CACNA1C: variants seen among roughly 807,000 people sequenced by gnomAD.
The protein encoded by CACNA1C is voltage-dependent L-type calcium channel subunit alpha-1C.
A neutral mutation model predicts 229.0 loss-of-function variants in CACNA1C; 30 were observed. The observed-to-expected ratio is 0.13, with a 90% confidence interval of 0.10 to 0.18. The LOEUF (loss-of-function observed/expected upper bound fraction) is 0.18, where lower values mean the gene tolerates loss of function less well. Ranked by LOEUF, CACNA1C falls within the 10% of genes least tolerant of loss-of-function variation. The probability of loss-of-function intolerance (pLI) is 1.00; values close to 1 mark genes in which losing one functional copy is unlikely to be tolerated. For missense variants in CACNA1C, 1,658 were observed against 2,845.0 expected (o/e 0.58, Z 9.49); for synonymous variants, 1,114 against 1,132.5 (o/e 0.98, Z 0.33).
intron 1 of CACNA1C, among the ~76,000 whole-genome samples, chr12:2,092,796 T>G (rs2071834434): frequency 6.6e-6 from 1 of 152,228 alleles, no homozygotes; most frequent in South Asian, 2.1e-4. Flanking sequence ...AGAGGTTAAG[T>G]TAACTTAGCA....
intron 1 of CACNA1C, among the ~76,000 whole-genome samples, chr12:2,105,192 CT>C (rs1381770912): frequency 1.3e-5 from 2 of 152,216 alleles, no homozygotes; most frequent in African/African-American, 4.8e-5. Flanking sequence ...AGCTTTTCCG[CT>C]TTTCCCATTG....
chr12:2,073,593 C>T (rs1309387882), intron 1 of CACNA1C, among the ~76,000 whole-genome samples: 1 of 152,218 alleles, frequency 6.6e-6, no homozygotes, highest in Admixed American at 6.5e-5. Flanking sequence ...AGGAGCAGAG[C>T]CACCTGGAAC....
rs566500434 is a variant in CACNA1C, at chr12:2,108,513, C to T, written c.50-6711C>T. The stretch of plus-strand genomic sequence containing the variant: ...TAGTTTTGATTCAGTTCTTGATTGG[C>T]AAAAGTTGTGTCAGGAATTCTCGCT... On this transcript the variant is annotated intron_variant, in intron 1 of 46. Transcript: ENST00000399655. The surrounding 1 kb of genome is among the most constrained non-coding windows in gnomAD (Gnocchi z 5.3). Among the ~76,000 whole-genome samples the T allele has an allele frequency of 6.6e-6, 1 of 152,310 alleles. No individual in the cohort carries two copies. Among genetic ancestry groups the T allele is most frequent in the East Asian group, 1.9e-4 (1 of 5,182 alleles).
Position 2,406,899 on chromosome 12 carries a change from T to TA in CACNA1C, c.478-42076dup, listed in dbSNP as rs147556669. Among the ~76,000 whole-genome samples the TA allele has an allele frequency of 4.6e-3, 700 of 152,354 alleles. 3 individuals are homozygous for TA. Among genetic ancestry groups the TA allele is most frequent in the African/African-American group, 0.016 (663 of 41,576 alleles). On this transcript the variant is annotated intron_variant, in intron 3 of 46. Transcript: ENST00000399655. ...CCGGATGTTATCTGAAGCCTTCCCT[T>TA]ACAGCTGCTTTCCTTTGCCACTGAC... is the stretch of plus-strand genomic sequence containing the variant.
chr12:2,657,997 A>AACACACAC (rs111747868), intron 34 of CACNA1C, among the ~76,000 whole-genome samples: 28 of 151,236 alleles, frequency 1.9e-4, no homozygotes, highest in African/African-American at 6.8e-4. Context: ...GTATAAGGAG[A>AACACACAC]ACACACACAC....
intron 3 of CACNA1C, among the ~76,000 whole-genome samples, chr12:2,355,696 A>G (rs577936386): frequency 1.3e-5 from 2 of 152,284 alleles, no homozygotes; most frequent in East Asian, 1.9e-4. Flanking sequence ...ATGGCTTGCA[A>G]TGGGGGCGAT....
At chr12:2,331,727 G>T (rs545363430) in intron 3 of CACNA1C, among the ~76,000 whole-genome samples, 30 of 152,328 alleles carry the variant, frequency 2.0e-4, no homozygotes, top group African/African-American at 7.2e-4. Context: ...CATCACTTCC[G>T]TGGTGCTCCT....
chr12:2,692,733 T>G lies in CACNA1C; in HGVS notation c.*1534T>G, dbSNP rs1305380100. The G allele has an allele frequency of 6.5e-6, 1 of 152,702 alleles. No individual in the cohort carries two copies. The highest frequency in any genetic ancestry group is 1.5e-5 in the Non-Finnish European group (1 of 68,046). The allele number at this position is 152,702 out of a possible 1,614,324, so 9.5% of individuals were successfully genotyped here. A position where few individuals can be genotyped will look rare whatever the true frequency, so the allele number is the denominator to read the frequency against. ...TGCTTCAATATATTCCGTGTAATGT[T>G]TTATTGCATTGATAATGTTTCTGTT... On this transcript the variant is annotated 3_prime_UTR_variant, in exon 47 of 47. Coordinates refer to ENST00000399655, the MANE Select transcript of CACNA1C (RefSeq NM_000719.7).
intron 30 of CACNA1C, among the ~76,000 whole-genome samples, chr12:2,637,996 A>G (rs1192915059): frequency 6.6e-6 from 1 of 152,132 alleles, no homozygotes; most frequent in Non-Finnish European, 1.5e-5. Flanking sequence ...AGGAACCATC[A>G]TTCATTCAAT....
At chr12:2,667,879 G>A (rs2153723437) in intron 37 of CACNA1C, among the ~76,000 whole-genome samples, 1 of 152,318 alleles carries the variant, frequency 6.6e-6, no homozygotes, top group African/African-American at 2.4e-5. Context: ...GCATGCCCTT[G>A]GCATGGACGC....
In CACNA1C at chr12:2,585,558, T is replaced by C; in HGVS notation, c.2460+62T>C. On this transcript the variant is annotated intron_variant, in intron 17 of 46. Coordinates refer to ENST00000399655, the MANE Select transcript of CACNA1C (RefSeq NM_000719.7). The surrounding 1 kb of genome is among the most constrained non-coding windows in gnomAD (Gnocchi z 4.1). Reference sequence around the variant, plus strand: ...GTGCTGGGGAGGGAGGGCCACAGCCTTCCCAGGCCAGAACCCTGTGGAGAA... The same window carrying C: ...GTGCTGGGGAGGGAGGGCCACAGCCCTCCCAGGCCAGAACCCTGTGGAGAA... 6.8e-7 allele frequency: 1 copy of C among 1,480,150 alleles called. No homozygotes were observed. Among genetic ancestry groups the C allele is most frequent in the Non-Finnish European group, 9.0e-7 (1 of 1,106,438 alleles). The allele number at this position is 1,480,150 out of a possible 1,614,324, so 91.7% of individuals were successfully genotyped here.
intron 3 of CACNA1C, among the ~76,000 whole-genome samples, chr12:2,255,196 C>G (rs1188947277): frequency 6.6e-6 from 1 of 151,926 alleles, no homozygotes; most frequent in African/African-American, 2.4e-5. Context: ...ACCCGTGCTC[C>G]CTCCTGGTTT....
upstream of CACNA1C, among the ~76,000 whole-genome samples, chr12:2,048,177 C>T (rs762370113): frequency 3.3e-5 from 5 of 152,202 alleles, no homozygotes; most frequent in African/African-American, 4.8e-5. Context: ...ACAACCTTAA[C>T]GCAGAACCAC....
chr12:2,552,859 G>A (rs2042065528), intron 10 of CACNA1C, among the ~76,000 whole-genome samples: 2 of 152,176 alleles, frequency 1.3e-5, no homozygotes, highest in South Asian at 4.1e-4. Flanking sequence ...ATGTGAAGAG[G>A]AGTAGCATGA....
intron 3 of CACNA1C, among the ~76,000 whole-genome samples, chr12:2,239,649 A>G (rs1050779803): frequency 5.3e-5 from 8 of 151,200 alleles, no homozygotes; most frequent in Admixed American, 3.9e-4. Flanking sequence ...GCTGTCCCCC[A>G]CCCCTGCCTG....
intron 9 of CACNA1C, among the ~76,000 whole-genome samples, chr12:2,537,303 G>A (rs1051477746): frequency 1.3e-5 from 2 of 152,184 alleles, no homozygotes; most frequent in African/African-American, 4.8e-5. Context: ...TCTTATTGGC[G>A]CTTGCTTGGA....
In CACNA1C at chr12:2,575,966, C is replaced by T. The variant is rs4765700; in HGVS notation, c.1896-5624C>T. Among the ~76,000 whole-genome samples, 1 of 151,974 alleles carries T rather than the reference C, an allele frequency of 6.6e-6. No individual in the cohort carries two copies. The highest frequency in any genetic ancestry group is 1.5e-5 in the Non-Finnish European group (1 of 68,006). ...CCAAACCCAGAGACAGACCTAGAGA[C>T]GGGGAAACAAATGGAGATAAAAGGA... On this transcript the variant is annotated intron_variant, in intron 13 of 46. Transcript: ENST00000399655. The surrounding 1 kb of genome is among the most constrained non-coding windows in gnomAD (Gnocchi z 4.0).
intron 3 of CACNA1C, among the ~76,000 whole-genome samples, chr12:2,378,852 C>T (rs1329811141): frequency 4.8e-5 from 7 of 146,094 alleles, no homozygotes; most frequent in African/African-American, 1.6e-4. Flanking sequence ...CTTTCCTTTT[C>T]TTTTCTTTCC....
rs2097839254 is a variant in CACNA1C at position 2,695,917 on chromosome 12, C to T, written c.*4718C>T. 6.6e-6 allele frequency: 1 copy of T among 152,280 alleles called. No homozygotes were observed. Among genetic ancestry groups the T allele is most frequent in the South Asian group, 2.1e-4 (1 of 4,832 alleles). The allele number at this position is 152,280 out of a possible 1,614,324, so 9.4% of individuals were successfully genotyped here. On this transcript the variant is annotated 3_prime_UTR_variant, in exon 47 of 47. Transcript: ENST00000399655. Reference sequence around the variant, plus strand: ...ACCCCCCTCACTACACAGACACACACCGTTAAGGCACAAGGGCTGGGGTTG... The same window carrying T: ...ACCCCCCTCACTACACAGACACACATCGTTAAGGCACAAGGGCTGGGGTTG...
Sources: allele counts gnomAD v4.1 joint callset (sites outside exome capture counted in the v4.1 genomes callset), GRCh38; gene constraint gnomAD v4.1.1; non-coding constraint Gnocchi (gnomAD v3.1); transcripts MANE v1.5; gene names NCBI Gene and HGNC (gene_info 2026-07-23, HGNC 2026-07-21).